The following PET117 variants were observed in gnomAD, a reference collection of about 807,000 sequenced individuals.
PET117 encodes the protein PET117 cytochrome c oxidase chaperone, also known as protein PET117 homolog, mitochondrial.
PET117 carries 10 observed loss-of-function variants against 9.2 expected under a neutral mutation model. The observed-to-expected ratio is 1.09, with a 90% CI of 0.67 to 1.85. The LOEUF (loss-of-function observed/expected upper bound fraction) is 1.85. PET117 is among the 40% of genes most tolerant of loss of function. PET117 has a pLI of 0.00. For synonymous variants in PET117, 43 were observed against 37.1 expected, an observed-to-expected ratio of 1.16 and a Z score of -0.57; for missense variants, 96 against 98.2, an observed-to-expected ratio of 0.98 and a Z score of 0.09.
At chr20:18,141,051 T>TTTGTTTTTTTTTTTTG (rs58888387) in intron 1 of PET117, among the ~76,000 whole-genome samples, 1 of 109,704 alleles carries the variant, frequency 9.1e-6, no homozygotes, top group Non-Finnish European at 1.8e-5. Flanking sequence ...TTTTTTATTT[T>TTTGTTTTTTTTTTTTG]TATTTTTGCT....
At chr20:18,138,338 A>G (rs1351487118) in intron 1 of PET117, 13 of 1,114,044 alleles carry the variant, frequency 1.2e-5, no homozygotes, top group Non-Finnish European at 1.2e-5. Flanking sequence ...CCGCACAGGC[A>G]CGGCACGCAA....
Position 18,142,627 on chromosome 20 carries a change from T to C in PET117, c.*270T>C, listed in dbSNP as rs756724418. 2 of 1,612,672 alleles carry C rather than the reference T, an allele frequency of 1.2e-6. No homozygotes were observed. The highest frequency in any genetic ancestry group is 1.7e-5 in the Admixed American group (1 of 59,936). ...ACTGTCCAGTGCTTAGGGTTGTTAC[T>C]GAGAAGCACTGCCGAGCTTGTGAGA... On this transcript the variant is annotated 3_prime_UTR_variant, in exon 2 of 2. Transcript: ENST00000432901.
At chr20:18,138,650 C>T (rs2037397371) in intron 1 of PET117, 1 of 190,144 alleles carries the variant, frequency 5.3e-6, no homozygotes, top group Non-Finnish European at 9.7e-6. Context: ...GAACAGTTTG[C>T]TATGGAAACT....
rs2037628770 is a variant in PET117 at position 18,142,618 on chromosome 20, G to C, written c.*261G>C. On this transcript the variant is annotated 3_prime_UTR_variant, in exon 2 of 2. Transcript: ENST00000432901. ...ATTAGGGTCACTGTCCAGTGCTTAGGGTTGTTACTGAGAAGCACTGCCGAG... is the reference window on the plus strand; with the variant it reads ...ATTAGGGTCACTGTCCAGTGCTTAGCGTTGTTACTGAGAAGCACTGCCGAG... 2.5e-6 allele frequency: 4 copies of C among 1,611,850 alleles called. No individual in the cohort carries two copies. Among genetic ancestry groups the C allele is most frequent in the Non-Finnish European group, 3.4e-6 (4 of 1,178,574 alleles).
At chr20:18,138,182 C>T (rs1600210604) in intron 1 of PET117, 131 bp downstream of exon 1, 2 of 1,287,594 alleles carry the variant, frequency 1.6e-6, no homozygotes, top group Non-Finnish European at 9.8e-7. Context: ...GGCCCTGCAC[C>T]CCACGCGTTT....
Position 18,142,796 on chromosome 20 carries a change from G to C in PET117, c.*439G>C, listed in dbSNP as rs1568662223. 6.2e-7 allele frequency: 1 copy of C among 1,614,212 alleles called. No homozygotes were observed. Among genetic ancestry groups the C allele is most frequent in the Non-Finnish European group, 8.5e-7 (1 of 1,180,050 alleles). ...CCTGATCGTCGAATCCGAGGATCAGGCATCAGTGGACTTATCGCACGACCA... is the reference window on the plus strand; with the variant it reads ...CCTGATCGTCGAATCCGAGGATCAGCCATCAGTGGACTTATCGCACGACCA... On this transcript the variant is annotated 3_prime_UTR_variant, in exon 2 of 2. Transcript: ENST00000432901.
rs754854036 is a variant in PET117 at position 18,142,966 on chromosome 20, G to T, written c.*609G>T. ...TTGATTTGTCAATTCCTGTGTGAAG[G>T]TTTGTTTTTCCAACCTGTGAAAGAA... On this transcript the variant is annotated 3_prime_UTR_variant, in exon 2 of 2. Transcript: ENST00000432901. 2 of 1,594,402 alleles carry T rather than the reference G, an allele frequency of 1.3e-6. No individual in the cohort carries two copies. Among genetic ancestry groups the T allele is most frequent in the African/African-American group, 1.3e-5 (1 of 74,428 alleles).
At chr20:18,138,254 G>A (rs1600210685) in intron 1 of PET117, 4 of 1,235,060 alleles carry the variant, frequency 3.2e-6, no homozygotes, top group Non-Finnish European at 4.0e-6. Flanking sequence ...GCGGGCGTGT[G>A]CAGCCCGCAG....
In PET117 at chr20:18,142,280, G is replaced by T. The variant is rs1489958412; in HGVS notation, c.169G>T (p.Glu57Ter). ...RKKENIRLLG[E>*]QIILTEQLEA... The stretch of plus-strand genomic sequence containing the variant: ...AAAAGAAAACATTCGTCTTTTGGGA[G>T]AACAGATTATTTTGACTGAGCAACT... Residue 57 changes from glutamate to a stop codon, truncating the protein, a stop_gained, in exon 2 of 2, where the codon GAA (glutamate) becomes TAA (stop). Coordinates refer to ENST00000432901, the MANE Select transcript of PET117 (RefSeq NM_001164811.2). LOFTEE classifies it high-confidence loss of function. The T allele has an allele frequency of 5.2e-6, 8 of 1,537,058 alleles. No individual in the cohort carries two copies. The African/African-American group carries it at 9.6e-5, about 18-fold the overall frequency.
intron 1 of PET117, chr20:18,138,463 G>A (rs991481605): frequency 2.0e-6 from 2 of 991,614 alleles, no homozygotes; most frequent in African/African-American, 1.7e-5. Flanking sequence ...GGAGTTTCTT[G>A]GGGTGCATTC....
chr20:18,137,915 C>G lies in PET117; in HGVS notation c.-41C>G, dbSNP rs769466978. On this transcript the variant is annotated 5_prime_UTR_variant, in exon 1 of 2. Transcript: ENST00000432901. ...GCACTCTGCGGCGGCCTCTGCGCCT[C>G]GGGCGGGCGGGAGAGAGAGGCCGCG... The G allele has an allele frequency of 7.6e-4, 1,105 of 1,460,102 alleles. 2 individuals are homozygous for G. Among genetic ancestry groups the G allele is most frequent in the Non-Finnish European group, 6.5e-4 (727 of 1,113,172 alleles). 90.4% of individuals were successfully genotyped at this position (1,460,102 alleles called of 1,614,324 possible).
chr20:18,142,391 C>G lies in PET117; in HGVS notation c.*34C>G. ...TGAAATATCTGTTGGACAGACAACA[C>G]GAGTTTGTGTGTGTGTGTTGATGGA... On this transcript the variant is annotated 3_prime_UTR_variant, in exon 2 of 2. Transcript: ENST00000432901. 2 of 1,525,022 alleles carry G rather than the reference C, an allele frequency of 1.3e-6. No homozygotes were observed. The highest frequency in any genetic ancestry group is 1.2e-5 in the South Asian group (1 of 82,720). The allele number at this position is 1,525,022 out of a possible 1,614,324, so 94.5% of individuals were successfully genotyped here. A position where few individuals can be genotyped will look rare whatever the true frequency, so the allele number is the denominator to read the frequency against.
rs71194228 is a variant in PET117, at chr20:18,139,633, CGTGTGTGTGTGTGTGTGTGTGT to C, written c.96+1603_96+1624del. ...AGTTAGAGCTGAAGAACCAAAATAACGTGTGTGTGTGTGTGTGTGTGTGTGTGTGTGTGTGTGTGTGTTTATT... is the reference window on the plus strand; with the variant it reads ...AGTTAGAGCTGAAGAACCAAAATAACGTGTGTGTGTGTGTGTGTGTTTATT... On this transcript the variant is annotated intron_variant, in intron 1 of 1. Coordinates refer to ENST00000432901, the MANE Select transcript of PET117 (RefSeq NM_001164811.2). Among the ~76,000 whole-genome samples, 11 of 141,722 alleles carry C rather than the reference CGTGTGTGTGTGTGTGTGTGTGT, an allele frequency of 7.8e-5. 1 individual carries two copies. Among genetic ancestry groups the C allele is most frequent in the East Asian group, 5.0e-4 (2 of 3,994 alleles). The allele number at this position is 141,722 out of a possible 152,430, so 93.0% of individuals were successfully genotyped here.
intron 1 of PET117, chr20:18,138,297 C>T (rs1600210715): frequency 1.7e-6 from 2 of 1,196,056 alleles, no homozygotes; most frequent in Non-Finnish European, 2.1e-6. Flanking sequence ...GGCTTAGCGC[C>T]TTTGGAGCTC....
chr20:18,140,966 T>G (rs1464665041), intron 1 of PET117, among the ~76,000 whole-genome samples: 1 of 146,490 alleles, frequency 6.8e-6, no homozygotes, highest in African/African-American at 2.5e-5. Flanking sequence ...GAGGTGATCC[T>G]ATCACCTCAG....
At chr20:18,138,278 C>G (rs1185567956) in intron 1 of PET117, 3 of 1,215,706 alleles carry the variant, frequency 2.5e-6, no homozygotes, top group Admixed American at 4.5e-5. Flanking sequence ...CAGGACGACC[C>G]GGCTGCCCGG....
At chr20:18,138,501 C>T (rs752593845) in intron 1 of PET117, 10 of 975,922 alleles carry the variant, frequency 1.0e-5, no homozygotes, top group African/African-American at 1.8e-5. Context: ...CCTCCTGGCC[C>T]AAGGTTGGGG....
At chr20:18,138,502 A>G (rs540253110) in intron 1 of PET117, 2 of 974,498 alleles carry the variant, frequency 2.1e-6, no homozygotes, top group Non-Finnish European at 2.4e-6. Context: ...CTCCTGGCCC[A>G]AGGTTGGGGT....
intron 1 of PET117, among the ~76,000 whole-genome samples, chr20:18,141,263 C>A (rs2037565084): frequency 6.6e-6 from 1 of 151,930 alleles, no homozygotes; most frequent in East Asian, 1.9e-4. Flanking sequence ...TTAAAAGTCT[C>A]TTCTTGGGTG....
Sources: allele counts gnomAD v4.1 joint callset (sites outside exome capture counted in the v4.1 genomes callset), GRCh38; gene constraint gnomAD v4.1.1; transcripts MANE v1.5; gene names NCBI Gene and HGNC (gene_info 2026-07-23, HGNC 2026-07-21).